The following FREM1 variants were observed in gnomAD, a reference collection of about 807,000 sequenced individuals.
FREM1 encodes the protein FRAS1 related extracellular matrix 1.
Under a neutral mutation model 210.1 loss-of-function variants are expected in FREM1, and 220 were observed. That is an observed-to-expected ratio of 1.05 (90% CI 0.94 to 1.17). FREM1 has a LOEUF of 1.17. FREM1 is among the 50% of genes most tolerant of loss of function. FREM1 has a pLI of 0.00. For synonymous variants in FREM1, 1,189 were observed against 980.2 expected (o/e 1.21, Z -3.98); for missense variants, 3,454 against 2,675.5 (o/e 1.29, Z -6.42).
At chr9:14,785,090 C>T (rs1398067347) in intron 23 of FREM1, among the ~76,000 whole-genome samples, 1 of 152,208 alleles carries the variant, frequency 6.6e-6, no homozygotes, top group Admixed American at 6.5e-5. Flanking sequence ...CAGCTATGTA[C>T]TTGAAAGAAA....
intron 27 of FREM1, among the ~76,000 whole-genome samples, chr9:14,765,080 A>G (rs1846150791): frequency 6.6e-6 from 1 of 152,242 alleles, no homozygotes; most frequent in Non-Finnish European, 1.5e-5. Flanking sequence ...AATTGTGATT[A>G]AATTACTATC....
chr9:14,855,248 C>T lies in FREM1; in HGVS notation c.828+2305G>A, dbSNP rs377727443. On this transcript the variant is annotated intron_variant, in intron 5 of 36. Transcript: ENST00000380880. Reference sequence around the variant, plus strand: ...AAAGAGCTAGCCTTGAAATTGTATACGTTATATCCTTATATACAATAGAAG... The same window carrying T: ...AAAGAGCTAGCCTTGAAATTGTATATGTTATATCCTTATATACAATAGAAG... Among the ~76,000 whole-genome samples, 7 of 152,066 alleles carry T rather than the reference C, an allele frequency of 4.6e-5. No homozygotes were observed. The East Asian group carries it at 9.7e-4, about 21-fold the overall frequency.
chr9:14,746,036 GA>G (rs1229677184), intron 35 of FREM1, among the ~76,000 whole-genome samples: 1 of 152,078 alleles, frequency 6.6e-6, no homozygotes, highest in East Asian at 1.9e-4. Context: ...CAAAGACTGA[GA>G]TAGGAAAAGA....
At chr9:14,748,111 C>G (rs1842780789) in intron 31 of FREM1, among the ~76,000 whole-genome samples, 2 of 152,286 alleles carry the variant, frequency 1.3e-5, no homozygotes, top group East Asian at 3.9e-4. Flanking sequence ...TCATCTCACT[C>G]TATTTCAGGG....
chr9:14,748,788 T>C, intron 30 of FREM1, 149 bp from the exon 31 acceptor site: 1 of 602,126 alleles, frequency 1.7e-6, no homozygotes, highest in Non-Finnish European at 2.9e-6. Context: ...TGCCAGAAAC[T>C]CCTTTACTCT....
Position 14,797,503 on chromosome 9 carries a change from C to T in FREM1, c.3834G>A (p.Leu1278=), listed in dbSNP as rs758595514. 1 of 1,605,240 alleles carries T rather than the reference C, an allele frequency of 6.2e-7. No individual in the cohort carries two copies. Among genetic ancestry groups the T allele is most frequent in the Non-Finnish European group, 8.5e-7 (1 of 1,175,730 alleles). Residue 1278 remains leucine (L), a synonymous_variant, in exon 21 of 37, where the codon CTG becomes CTA. Transcript: ENST00000380880. ...VIPVNDEKPM[L]SKKAEIAMNM... is the part of the protein sequence containing the mutation. ...ACTCTTTTCAGGTAGCTTACTTGCT[C>T]AGCATTGGTTTTTCATCATTAACTG...
intron 19 of FREM1, among the ~76,000 whole-genome samples, chr9:14,804,240 G>A (rs1817918155): frequency 6.6e-6 from 1 of 152,118 alleles, no homozygotes; most frequent in African/African-American, 2.4e-5. Context: ...TAACACACAG[G>A]ACTTCATATT....
In FREM1 at chr9:14,746,879, C is replaced by G. The variant is rs199776467; in HGVS notation, c.6138+44G>C. ...TCCCCTCTATTAGCTTATCATAGAG[C>G]ACATTGCGAATAAAGGTGCTTGGCT... On this transcript the variant is annotated intron_variant, in intron 34 of 36. Coordinates refer to ENST00000380880, the MANE Select transcript of FREM1 (RefSeq NM_001379081.2). The G allele has an allele frequency of 4.9e-5, 79 of 1,600,878 alleles. 1 individual carries two copies. The African/African-American group carries it at 9.8e-4, about 20-fold the overall frequency.
At chr9:14,806,263 T>G (rs1020282979) in intron 18 of FREM1, among the ~76,000 whole-genome samples, 30 of 120,654 alleles carry the variant, frequency 2.5e-4, no homozygotes, top group African/African-American at 7.6e-4. Context: ...CTTTTTTTTT[T>G]TTTTTTTTGA....
rs768163688 is a variant in FREM1, at chr9:14,804,937, A to G, written c.3471+19T>C. 3.2e-6 allele frequency: 5 copies of G among 1,569,142 alleles called. No homozygotes were observed. The highest frequency in any genetic ancestry group is 4.4e-6 in the Non-Finnish European group (5 of 1,140,286). On this transcript the variant is annotated intron_variant, in intron 19 of 36. Coordinates refer to ENST00000380880, the MANE Select transcript of FREM1 (RefSeq NM_001379081.2). Reference sequence around the variant, plus strand: ...CAAAATGATAAAAGAGAAATGGAACATTTGGATATGTTTCTTACAGTAATA... The same window carrying G: ...CAAAATGATAAAAGAGAAATGGAACGTTTGGATATGTTTCTTACAGTAATA...
At chr9:14,817,599 G>A (rs909860792) in intron 14 of FREM1, among the ~76,000 whole-genome samples, 1 of 152,086 alleles carries the variant, frequency 6.6e-6, no homozygotes, top group Admixed American at 6.5e-5. Context: ...GAAGTGAATT[G>A]AGCCAAATTT....
chr9:14,833,301 G>A (rs1588247436), intron 10 of FREM1, among the ~76,000 whole-genome samples: 1 of 152,124 alleles, frequency 6.6e-6, no homozygotes, highest in South Asian at 2.1e-4. Flanking sequence ...CTAGTTTCTT[G>A]GTCTTCCCCA....
At chr9:14,790,070 T>G (rs1403647466) in intron 22 of FREM1, among the ~76,000 whole-genome samples, 1 of 152,184 alleles carries the variant, frequency 6.6e-6, no homozygotes, top group African/African-American at 2.4e-5. Context: ...TTATTCCCCT[T>G]GATACTTTGG....
Position 14,825,547 on chromosome 9 carries a change from G to GTGTGTGTATATATATATATATATATA in FREM1, c.1882-556_1882-555insTATATATATATATATATATACACACA. Among the ~76,000 whole-genome samples, 620 of 75,350 alleles carry GTGTGTGTATATATATATATATATATA rather than the reference G, an allele frequency of 8.2e-3. 5 individuals are homozygous for GTGTGTGTATATATATATATATATATA. Among genetic ancestry groups the GTGTGTGTATATATATATATATATATA allele is most frequent in the Non-Finnish European group, 0.012 (470 of 40,222 alleles). 49.4% of individuals were successfully genotyped at this position (75,350 alleles called of 152,430 possible). On this transcript the variant is annotated intron_variant, in intron 10 of 36. Transcript: ENST00000380880. ...CATATATATATATATGTGTGTGTGTGTATATATATATATATATATATATAC... is the reference window on the plus strand; with the variant it reads ...CATATATATATATATGTGTGTGTGTGTGTGTGTATATATATATATATATATATATATATATATATATATATATATAC...
chr9:14,793,291 T>A (rs1228532564), intron 21 of FREM1, among the ~76,000 whole-genome samples: 1 of 152,216 alleles, frequency 6.6e-6, no homozygotes, highest in Non-Finnish European at 1.5e-5. Flanking sequence ...TTAAAGAGAT[T>A]CATTGACTGG....
intron 2 of FREM1, among the ~76,000 whole-genome samples, chr9:14,867,646 C>G (rs1473275084): frequency 6.6e-6 from 1 of 152,152 alleles, no homozygotes; most frequent in Admixed American, 6.5e-5. Flanking sequence ...TTTTTTCTCT[C>G]TCTGTAATAC....
In FREM1 at chr9:14,748,663, C is replaced by A. The variant is rs79062407; in HGVS notation, c.5558-24G>T. The A allele has an allele frequency of 8.8e-4, 1,307 of 1,492,828 alleles. 19 individuals carry two copies. The East Asian group carries it at 0.021, about 24-fold the overall frequency. The allele number at this position is 1,492,828 out of a possible 1,614,324, so 92.5% of individuals were successfully genotyped here. On this transcript the variant is annotated intron_variant, in intron 30 of 36. Transcript: ENST00000380880. ...TCCTGGAGGCATGCAAGATGGCAGG[C>A]GGTCAGTTCATTTTACACAAACAGA...
Position 14,767,736 on chromosome 9 carries a change from T to C in FREM1, c.5204+1988A>G, listed in dbSNP as rs565523059. Among the ~76,000 whole-genome samples, 7 of 152,294 alleles carry C rather than the reference T, an allele frequency of 4.6e-5. No homozygotes were observed. The South Asian group carries it at 1.5e-3, about 32-fold the overall frequency. ...TTACAAATGGGGTTGAGGACAACTA[T>C]ACCGTTCAAAAATGATGATGATAAA... On this transcript the variant is annotated intron_variant, in intron 27 of 36. Coordinates refer to ENST00000380880, the MANE Select transcript of FREM1 (RefSeq NM_001379081.2).
At chr9:14,833,003 C>T (rs138571077) in intron 10 of FREM1, among the ~76,000 whole-genome samples, 77 of 152,222 alleles carry the variant, frequency 5.1e-4, no homozygotes, top group African/African-American at 1.8e-3. Context: ...TATGGGCCTC[C>T]AACTTGTTTC....
Sources: gnomAD v4.1 joint callset for allele counts (sites outside exome capture counted in the v4.1 genomes callset) on GRCh38, gnomAD v4.1.1 for gene constraint, MANE v1.5 for transcripts, NCBI Gene and HGNC (gene_info 2026-07-23, HGNC 2026-07-21) for gene names.